NOX4: variants seen among roughly 807,000 people sequenced by gnomAD.
NOX4 encodes the protein NADPH oxidase 4.
In NOX4, 69 loss-of-function variants were observed where a neutral mutation model predicts 87.6. That is an observed-to-expected ratio of 0.79 (90% confidence interval 0.65 to 0.96). The LOEUF (loss-of-function observed/expected upper bound fraction) is 0.96. Ranked by LOEUF, NOX4 falls within the 40% of genes least tolerant of loss-of-function variation. NOX4 has a pLI of 0.00. For missense variants in NOX4, 680 were observed against 681.5 expected (o/e 1.00, Z 0.02); for synonymous variants, 275 against 238.2 (o/e 1.15, Z -1.42).
chr11:89,370,794 AAT>A (rs947581661), intron 12 of NOX4, among the ~76,000 whole-genome samples: 2 of 152,026 alleles, frequency 1.3e-5, no homozygotes, highest in Non-Finnish European at 2.9e-5. Context: ...CTAGACAACA[AAT>A]ATGAGACTTG....
chr11:89,404,038 CACAA>C (rs1164835424), intron 8 of NOX4, among the ~76,000 whole-genome samples: 1 of 150,394 alleles, frequency 6.6e-6, no homozygotes, highest in Non-Finnish European at 1.5e-5. Flanking sequence ...GTAGACCACA[CACAA>C]ACATACATTT....
intron 2 of NOX4, among the ~76,000 whole-genome samples, chr11:89,471,805 A>C (rs1945955689): frequency 6.6e-6 from 1 of 152,104 alleles, no homozygotes; most frequent in Non-Finnish European, 1.5e-5. Context: ...GCAATGGTGC[A>C]ATCTCAGCTC....
At chr11:89,548,712 T>C in the NOX4 span, 2 of 152,332 alleles carry the variant, frequency 1.3e-5, no homozygotes, top group East Asian at 3.9e-4. Flanking sequence ...ACCCAGCAGA[T>C]ACTTGGAGAT....
chr11:89,570,594 A>G, the NOX4 span, among the ~76,000 whole-genome samples: 1 of 152,222 alleles, frequency 6.6e-6, no homozygotes, highest in South Asian at 2.1e-4. Context: ...ACACTTTGAG[A>G]GGCTAAGGTG....
At chr11:89,570,227 A>G in the NOX4 span, among the ~76,000 whole-genome samples, 1 of 152,196 alleles carries the variant, frequency 6.6e-6, no homozygotes, top group Non-Finnish European at 1.5e-5. Flanking sequence ...ATTGGAGGCC[A>G]TTATCCTAAA....
chr11:89,471,485 A>C (rs1246459993), intron 2 of NOX4, among the ~76,000 whole-genome samples: 1 of 152,188 alleles, frequency 6.6e-6, no homozygotes. Flanking sequence ...TTTATGGTCT[A>C]TATAGTAATC....
chr11:89,401,251 A>G (rs317144), intron 9 of NOX4, among the ~76,000 whole-genome samples: 9,912 of 152,152 alleles, frequency 0.065, 681 homozygotes, highest in African/African-American at 0.17. Flanking sequence ...GAGTAGCACT[A>G]CAAGACAAGG....
the NOX4 span, among the ~76,000 whole-genome samples, chr11:89,586,902 T>C: frequency 6.6e-6 from 1 of 152,122 alleles, no homozygotes; most frequent in African/African-American, 2.4e-5. Flanking sequence ...GTGAAAGGAC[T>C]GGGAGTGTTA....
chr11:89,454,335 C>T (rs1415815688), intron 2 of NOX4, among the ~76,000 whole-genome samples: 1 of 152,052 alleles, frequency 6.6e-6, no homozygotes, highest in Non-Finnish European at 1.5e-5. Context: ...CAGATCTACT[C>T]TGACAAGCTG....
At chr11:89,473,877 CTG>C (rs1401130603) in intron 2 of NOX4, among the ~76,000 whole-genome samples, 6 of 152,136 alleles carry the variant, frequency 3.9e-5, no homozygotes, top group Non-Finnish European at 8.8e-5. Context: ...AGAAAGAACT[CTG>C]TATGCAAAGA....
At chr11:89,390,466 A>G (rs1364811309) in intron 11 of NOX4, among the ~76,000 whole-genome samples, 1 of 152,188 alleles carries the variant, frequency 6.6e-6, no homozygotes, top group Non-Finnish European at 1.5e-5. Flanking sequence ...TATCTATGAG[A>G]TAGAGTGGTT....
At chr11:89,336,600 G>T (rs1441882083) in intron 16 of NOX4, among the ~76,000 whole-genome samples, 1 of 151,952 alleles carries the variant, frequency 6.6e-6, no homozygotes, top group Non-Finnish European at 1.5e-5. Flanking sequence ...GAGTCAGAGT[G>T]AACTGCGGAG....
chr11:89,382,966 C>T (rs1028562803), intron 11 of NOX4, among the ~76,000 whole-genome samples: 5 of 152,086 alleles, frequency 3.3e-5, no homozygotes, highest in African/African-American at 1.2e-4. Context: ...CCCTTTACCG[C>T]CCTAGACCCA....
intron 2 of NOX4, among the ~76,000 whole-genome samples, chr11:89,457,861 C>G (rs11018620): frequency 0.17 from 25,879 of 151,894 alleles, 3,050 homozygotes; most frequent in African/African-American, 0.32. Flanking sequence ...GTAAATAAAA[C>G]ACCTCTGTAA....
At chr11:89,448,348 T>C (rs1263651865) in intron 4 of NOX4, among the ~76,000 whole-genome samples, 2 of 152,184 alleles carry the variant, frequency 1.3e-5, no homozygotes, top group Non-Finnish European at 2.9e-5. Flanking sequence ...CTATGTTTCT[T>C]ACTTTCTGTT....
At chr11:89,386,428 T>C (rs1410826928) in intron 11 of NOX4, among the ~76,000 whole-genome samples, 1 of 152,162 alleles carries the variant, frequency 6.6e-6, no homozygotes, top group East Asian at 1.9e-4. Context: ...TTAAAGAGGA[T>C]AGATGATCTT....
chr11:89,467,145 G>A (rs1591327302), intron 2 of NOX4, among the ~76,000 whole-genome samples: 3 of 151,722 alleles, frequency 2.0e-5, no homozygotes, highest in Admixed American at 6.6e-5. Context: ...TCAGGAGATC[G>A]AGACCATGCT....
chr11:89,550,680 CTG>C, the NOX4 span, among the ~76,000 whole-genome samples: 1 of 152,046 alleles, frequency 6.6e-6, no homozygotes, highest in African/African-American at 2.4e-5. Flanking sequence ...TCTTTGTAGA[CTG>C]TGTATATTAA....
chr11:89,500,908 G>A (rs1213263380), upstream of NOX4, among the ~76,000 whole-genome samples: 1 of 152,050 alleles, frequency 6.6e-6, no homozygotes, highest in African/African-American at 2.4e-5. Context: ...GTTCCTGCAA[G>A]TGGGGCATTG....
Sources: allele counts gnomAD v4.1 joint callset (sites outside exome capture counted in the v4.1 genomes callset), GRCh38; gene constraint gnomAD v4.1.1; transcripts MANE v1.5; gene names NCBI Gene and HGNC (gene_info 2026-07-23, HGNC 2026-07-21).